The following SETD1B variants were observed in gnomAD, a reference collection of about 807,000 sequenced individuals.
SETD1B encodes histone-lysine N-methyltransferase SETD1B.
SETD1B carries 7 observed loss-of-function variants against 148.0 expected under a neutral mutation model. That is an observed-to-expected ratio of 0.05 (90% CI 0.03 to 0.09). The LOEUF (loss-of-function observed/expected upper bound fraction) is 0.09, where lower values mean the gene tolerates loss of function less well. SETD1B is among the 10% of genes least tolerant of loss of function. The pLI, the probability that SETD1B is intolerant of heterozygous loss-of-function variation, is 1.00. For missense variants in SETD1B, 2,155 were observed against 2,729.9 expected, an observed-to-expected ratio of 0.79 and a Z score of 4.69; for synonymous variants, 1,361 against 1,186.5, an observed-to-expected ratio of 1.15 and a Z score of -3.02.
chr12:121,822,374 A>C, intron 11 of SETD1B, 116 bp from the exon 12 acceptor site: 1 of 1,220,602 alleles, frequency 8.2e-7, no homozygotes, highest in Non-Finnish European at 1.1e-6. Context: ...GGAGAAGGAC[A>C]GGTCCCGTGC....
Position 121,808,429 on chromosome 12 carries a change from A to C in SETD1B, c.657+109A>C, listed in dbSNP as rs1375410409. The C allele has an allele frequency of 9.0e-6, 6 of 663,974 alleles. No individual in the cohort carries two copies. Among genetic ancestry groups the C allele is most frequent in the Non-Finnish European group, 1.6e-5 (6 of 385,010 alleles). The allele number at this position is 663,974 out of a possible 1,614,324, so 41.1% of individuals were successfully genotyped here. A position where few individuals can be genotyped will look rare whatever the true frequency, so the allele number is the denominator to read the frequency against. ...GGGACCCCCAGCCTACCCCCACCTC[A>C]CTCCAGCTTTGGAGACCAAGGCCTA... On this transcript the variant is annotated intron_variant, in intron 5 of 16. Coordinates refer to ENST00000604567, the MANE Select transcript of SETD1B (RefSeq NM_001353345.2). The surrounding 1 kb of genome is among the most constrained non-coding windows in gnomAD (Gnocchi z 5.3).
In SETD1B at chr12:121,822,643, T is replaced by C. The variant is rs58801491; in HGVS notation, c.4064T>C (p.Leu1355Pro). 18,787 of 1,550,908 alleles carry C rather than the reference T, an allele frequency of 0.012. 410 individuals are homozygous for C. The highest frequency in any genetic ancestry group is 0.071 in the African/African-American group (5,163 of 72,984). Residue 1355 changes from leucine to proline, a missense_variant, in exon 12 of 17, where the codon CTT (leucine) becomes CCT (proline). By Grantham distance (98) the Leu-to-Pro change is moderately conservative (BLOSUM62 -3). Around this residue, in one of 11 missense-constraint regions of SETD1B, gnomAD observed 862 missense variants for 873.8 expected, o/e 0.99. Coordinates refer to ENST00000604567, the MANE Select transcript of SETD1B (RefSeq NM_001353345.2). ...ASHPSVPPEPLAEDHPPHTPG... is the reference protein window; with the variant it reads ...ASHPSVPPEPPAEDHPPHTPG... ...CACCCATCTGTCCCTCCGGAGCCCC[T>C]TGCCGAGGACCACCCCCCGCATACT...
At chr12:121,797,029 CAAAAAA>C in the SETD1B span, among the ~76,000 whole-genome samples, 2 of 98,182 alleles carry the variant, frequency 2.0e-5, no homozygotes, top group Admixed American at 1.1e-4. Context: ...AACTCTGTCT[CAAAAAA>C]AAAAAAAAAA....
At chr12:121,820,318 A>T (rs1876508299) in intron 11 of SETD1B, among the ~76,000 whole-genome samples, 1 of 152,232 alleles carries the variant, frequency 6.6e-6, no homozygotes, top group African/African-American at 2.4e-5. Context: ...CACAGAGCAT[A>T]TGAGAACTCT....
At chr12:121,797,851 T>C in the SETD1B span, 2 of 336,526 alleles carry the variant, frequency 5.9e-6, no homozygotes, top group Non-Finnish European at 1.2e-5. Context: ...ATATTAACAA[T>C]GTGAACCTCA....
In SETD1B at chr12:121,822,872, C is replaced by T. The variant is rs887567930; in HGVS notation, c.4293C>T (p.Ser1431=). Residue 1431 remains serine, a synonymous_variant, in exon 12 of 17, where the codon AGC becomes AGT. Coordinates refer to ENST00000604567, the MANE Select transcript of SETD1B (RefSeq NM_001353345.2). ...CTCGGACACCTGGCCGGGACTTCAG[C>T]TTCACACCCACCTTCTCCGAGCCCA... ...GLPRTPGRDF[S]FTPTFSEPSG... is the part of the protein sequence containing the mutation. The T allele has an allele frequency of 1.7e-5, 25 of 1,489,326 alleles. No individual in the cohort carries two copies. The highest frequency in any genetic ancestry group is 2.2e-5 in the Non-Finnish European group (24 of 1,114,028). 92.3% of individuals were successfully genotyped at this position (1,489,326 alleles called of 1,614,324 possible). A position where few individuals can be genotyped will look rare whatever the true frequency, so the allele number is the denominator to read the frequency against.
chr12:121,819,924 G>GT (rs1307789219), intron 11 of SETD1B, 29 bp downstream of exon 11: 8 of 1,529,364 alleles, frequency 5.2e-6, no homozygotes, highest in African/African-American at 4.2e-5. Context: ...TGGGAGGGTG[G>GT]TGGGAGGGAG....
intron 10 of SETD1B, among the ~76,000 whole-genome samples, chr12:121,818,361 G>A (rs1347829567): frequency 3.9e-5 from 6 of 152,006 alleles, no homozygotes; most frequent in African/African-American, 7.3e-5. Flanking sequence ...TTAGGAGTTC[G>A]AGACCAGCCT....
At position 121,827,812 on chromosome 12, in the gene SETD1B, T is replaced by G; in HGVS notation, c.5547T>G (p.Ala1849=). ...WGLFAMEPIA[A]DEMVIEYVGQ... is the part of the protein sequence containing the mutation. The stretch of plus-strand genomic sequence containing the variant: ...TGTTCGCCATGGAGCCCATCGCGGC[T>G]GACGAGATGGTCATCGAGTACGTGG... The change falls in exon 15 of 17, where the codon GCT becomes GCG. Residue 1849 remains alanine, a synonymous_variant. Transcript: ENST00000604567. 6.4e-7 allele frequency: 1 copy of G among 1,560,130 alleles called. No individual in the cohort carries two copies. The highest frequency in any genetic ancestry group is 8.7e-7 in the Non-Finnish European group (1 of 1,151,298).
At chr12:121,820,561 T>TCC (rs1262653863) in intron 11 of SETD1B, among the ~76,000 whole-genome samples, 1 of 152,206 alleles carries the variant, frequency 6.6e-6, no homozygotes, top group East Asian at 1.9e-4. Context: ...TGAGACATAG[T>TCC]CCCGCTCTGT....
intron 12 of SETD1B, 74 bp from the exon 13 acceptor site, chr12:121,825,126 A>G (rs1876776356): frequency 1.4e-6 from 2 of 1,436,196 alleles, no homozygotes; most frequent in African/African-American, 1.4e-5. Flanking sequence ...TGGTCTGAGG[A>G]TGGGCGGGAC....
At chr12:121,803,638 C>A (rs1279048942), upstream of SETD1B, 1 of 152,140 alleles carries the variant, frequency 6.6e-6, no homozygotes, top group Non-Finnish European at 1.5e-5. The surrounding 1 kb of genome is among the most constrained non-coding windows in gnomAD (Gnocchi z 4.7). Context: ...CCCCGCGCGC[C>A]CGCCTCCGGC....
At chr12:121,820,948 C>A (rs936381238) in intron 11 of SETD1B, among the ~76,000 whole-genome samples, 2 of 152,164 alleles carry the variant, frequency 1.3e-5, no homozygotes, top group African/African-American at 4.8e-5. Context: ...ACGGAAAAGA[C>A]CGGTGGGATG....
At chr12:121,824,982 A>G (rs1215778829) in intron 12 of SETD1B, among the ~76,000 whole-genome samples, 2 of 150,054 alleles carry the variant, frequency 1.3e-5, no homozygotes, top group Non-Finnish European at 3.0e-5. Context: ...CCTGTCTCAA[A>G]AAAAAAAAAA....
chr12:121,819,380 C>T (rs764437914), intron 10 of SETD1B, 24 bp from the exon 11 acceptor site: 91 of 1,551,140 alleles, frequency 5.9e-5, no homozygotes, highest in Middle Eastern at 5.0e-4. Context: ...CTCAGGCAGC[C>T]CCTCGTCTGT....
At chr12:121,802,807 C>T (rs570327682), upstream of SETD1B, 1 of 152,360 alleles carries the variant, frequency 6.6e-6, no homozygotes, top group African/African-American at 2.4e-5. Flanking sequence ...GTTAAACACA[C>T]TGAGACGTCC....
chr12:121,815,669 C>A (rs1259359177), intron 7 of SETD1B, among the ~76,000 whole-genome samples: 1 of 152,066 alleles, frequency 6.6e-6, no homozygotes, highest in African/African-American at 2.4e-5. Flanking sequence ...ACCACCACAC[C>A]CAGCTAATTT....
At chr12:121,795,660 GTGA>G in the SETD1B span, 1 of 152,748 alleles carries the variant, frequency 6.5e-6, no homozygotes, top group African/African-American at 2.4e-5. Flanking sequence ...GGGAGGAGCT[GTGA>G]CTGGCTGGGG....
At position 121,822,569 on chromosome 12, in the gene SETD1B, A is replaced by T; in HGVS notation, c.3990A>T (p.Pro1330=). The T allele has an allele frequency of 6.4e-7, 1 of 1,550,408 alleles. No homozygotes were observed. The stretch of plus-strand genomic sequence containing the variant: ...AACCACCATTGCCGCCCCCACGACC[A>T]CCCCGGCCACCCAGCCCACCGCCGG... The part of the protein sequence containing the change: ...PLQPPLPPPR[P]PRPPSPPPEP... The change falls in exon 12 of 17, where the codon CCA becomes CCT. Residue 1330 remains proline (P), a synonymous_variant. Coordinates refer to ENST00000604567, the MANE Select transcript of SETD1B (RefSeq NM_001353345.2).
Sources: allele counts gnomAD v4.1 joint callset (sites outside exome capture counted in the v4.1 genomes callset), GRCh38; gene constraint gnomAD v4.1.1; regional missense constraint gnomAD v4.1.1; non-coding constraint Gnocchi (gnomAD v3.1); transcripts MANE v1.5; gene names NCBI Gene and HGNC (gene_info 2026-07-23, HGNC 2026-07-21).